The following WDR7 variants were observed in gnomAD, a reference collection of about 807,000 sequenced individuals.
WDR7 encodes WD repeat domain 7, also known as WD repeat-containing protein 7.
A neutral mutation model predicts 169.4 loss-of-function variants in WDR7; 46 were observed. That is an observed-to-expected ratio of 0.27 (90% CI 0.21 to 0.35). The LOEUF (loss-of-function observed/expected upper bound fraction) is 0.35. Ranked by LOEUF, WDR7 falls within the 10% of genes least tolerant of loss-of-function variation. The probability of loss-of-function intolerance (pLI) is 1.00; values close to 1 mark genes in which losing one functional copy is unlikely to be tolerated. For synonymous variants in WDR7, 612 were observed against 666.8 expected (o/e 0.92, Z 1.27); for missense variants, 1,534 against 1,859.3 (o/e 0.83, Z 3.22).
chr18:56,984,388 G>C (rs1376110239), intron 26 of WDR7, among the ~76,000 whole-genome samples: 1 of 152,108 alleles, frequency 6.6e-6, no homozygotes, highest in Admixed American at 6.5e-5. Context: ...TAAATGTTAT[G>C]TTCCTTTTTT....
At chr18:56,724,899 C>T (rs546976369) in intron 13 of WDR7, among the ~76,000 whole-genome samples, 13 of 152,034 alleles carry the variant, frequency 8.6e-5, no homozygotes, top group East Asian at 1.9e-4. Context: ...TGAGAACATG[C>T]GGTGTTTGGT....
At chr18:56,816,909 A>C (rs1680213022) in intron 20 of WDR7, among the ~76,000 whole-genome samples, 1 of 152,228 alleles carries the variant, frequency 6.6e-6, no homozygotes, top group South Asian at 2.1e-4. Context: ...TGAAGCAACA[A>C]ATATTAATTT....
chr18:56,912,366 A>G lies in WDR7; in HGVS notation c.3527-11556A>G, dbSNP rs140579134. Among the ~76,000 whole-genome samples, 132 of 152,364 alleles carry G rather than the reference A, an allele frequency of 8.7e-4. 1 individual carries two copies. The highest frequency in any genetic ancestry group is 2.8e-3 in the African/African-American group (118 of 41,582). ...CCTATAGAAGGTTACAGGAACACCA[A>G]GTTTAACATCATGATTAATAAGTGA... On this transcript the variant is annotated intron_variant, in intron 21 of 27. Transcript: ENST00000254442.
At chr18:56,990,744 T>C (rs1309522555) in intron 26 of WDR7, among the ~76,000 whole-genome samples, 1 of 152,216 alleles carries the variant, frequency 6.6e-6, no homozygotes, top group Non-Finnish European at 1.5e-5. Flanking sequence ...CCATAGTTAT[T>C]CTGTCTTACC....
chr18:56,957,538 C>G (rs1329772280), intron 25 of WDR7: 1 of 151,012 alleles, frequency 6.6e-6, no homozygotes, highest in Non-Finnish European at 1.5e-5. Flanking sequence ...AGAGTAGTTA[C>G]TGTTAGTGGG....
In WDR7 at chr18:56,930,606, A is replaced by G. The variant is rs534904354; in HGVS notation, c.3714-5182A>G. Among the ~76,000 whole-genome samples the G allele has an allele frequency of 9.2e-5, 14 of 152,368 alleles. No individual in the cohort carries two copies. In the South Asian group the frequency reaches 2.9e-3, roughly 32 times the overall value. On this transcript the variant is annotated intron_variant, in intron 22 of 27. Transcript: ENST00000254442. ...GCAAGTTGTGAAATAAAGGTACGACATGACAGAGGAATTGAAGATATCTTG... is the reference window on the plus strand; with the variant it reads ...GCAAGTTGTGAAATAAAGGTACGACGTGACAGAGGAATTGAAGATATCTTG...
At chr18:57,007,649 C>A (rs893888869) in intron 26 of WDR7, among the ~76,000 whole-genome samples, 1 of 151,988 alleles carries the variant, frequency 6.6e-6, no homozygotes, top group African/African-American at 2.4e-5. Flanking sequence ...TCACAAAATC[C>A]TCTTTTAAAG....
chr18:56,792,077 G>T (rs900124229), intron 19 of WDR7, among the ~76,000 whole-genome samples: 1 of 152,082 alleles, frequency 6.6e-6, no homozygotes, highest in African/African-American at 2.4e-5. Flanking sequence ...GAGTGCAGTG[G>T]CACGATCACG....
intron 12 of WDR7, among the ~76,000 whole-genome samples, chr18:56,698,497 T>G (rs2025753875): frequency 6.6e-6 from 1 of 151,806 alleles, no homozygotes; most frequent in South Asian, 2.1e-4. Flanking sequence ...TCCCAGCTAC[T>G]TGGGAGGCTG....
chr18:56,817,697 A>G (rs1344561143), intron 20 of WDR7, among the ~76,000 whole-genome samples: 21 of 151,990 alleles, frequency 1.4e-4, no homozygotes, highest in Admixed American at 1.4e-3. Flanking sequence ...GCACTTTACA[A>G]TTATAGAATT....
At chr18:56,986,748 TA>T (rs1417322704) in intron 26 of WDR7, among the ~76,000 whole-genome samples, 1 of 151,950 alleles carries the variant, frequency 6.6e-6, no homozygotes, top group African/African-American at 2.4e-5. Context: ...AAAATAAAAA[TA>T]AAAGGCATTC....
At chr18:56,973,591 G>C (rs773965423) in intron 26 of WDR7, among the ~76,000 whole-genome samples, 1 of 151,500 alleles carries the variant, frequency 6.6e-6, no homozygotes, top group Non-Finnish European at 1.5e-5. Flanking sequence ...TCACTGCCTC[G>C]TATTCTTCAT....
intron 19 of WDR7, among the ~76,000 whole-genome samples, chr18:56,786,252 C>T (rs67906916): frequency 0.074 from 11,242 of 152,124 alleles, 504 homozygotes; most frequent in East Asian, 0.18. Context: ...AAGTCCTTAC[C>T]GGGCGCAGTG....
Position 56,839,633 on chromosome 18 carries a change from A to G in WDR7, c.3304+23489A>G, listed in dbSNP as rs549071091. Among the ~76,000 whole-genome samples the G allele has an allele frequency of 6.8e-4, 103 of 152,352 alleles. 1 individual carries two copies. Among genetic ancestry groups the G allele is most frequent in the Middle Eastern group, 6.8e-3 (2 of 294 alleles). ...CTCATGGGAGAAAAAAATAGTATAA[A>G]GCAGAAGACCATGGCAATCAGCCAC... On this transcript the variant is annotated intron_variant, in intron 20 of 27. Transcript: ENST00000254442.
chr18:56,843,402 C>G (rs570412312), intron 20 of WDR7, among the ~76,000 whole-genome samples: 1 of 152,180 alleles, frequency 6.6e-6, no homozygotes, highest in Non-Finnish European at 1.5e-5. Flanking sequence ...CCTCTGTCAA[C>G]CACTGTTCTG....
intron 14 of WDR7, among the ~76,000 whole-genome samples, chr18:56,742,374 A>C (rs986470684): frequency 3.9e-5 from 6 of 152,234 alleles, no homozygotes; most frequent in African/African-American, 1.4e-4. Flanking sequence ...AATTTATAAA[A>C]ATATACATAT....
At chr18:57,012,379 G>A in intron 26 of WDR7, among the ~76,000 whole-genome samples, 1 of 152,150 alleles carries the variant, frequency 6.6e-6, no homozygotes, top group East Asian at 1.9e-4. Flanking sequence ...TAGGAAGGGA[G>A]GTTGGGCCAA....
chr18:56,883,016 A>G (rs760221854), intron 21 of WDR7, among the ~76,000 whole-genome samples: 4 of 151,874 alleles, frequency 2.6e-5, no homozygotes, highest in Non-Finnish European at 5.9e-5. Context: ...AGGTCAGGAG[A>G]TTGAGACCAC....
intron 21 of WDR7, 94 bp from the exon 22 acceptor site, chr18:56,923,820 TAAAAAATC>T (rs2046762466): frequency 8.2e-7 from 1 of 1,219,316 alleles, no homozygotes; most frequent in South Asian, 1.9e-5. Flanking sequence ...CTTTTTCAGT[TAAAAAATC>T]AAAAATGGAT....
Sources: gnomAD v4.1 joint callset for allele counts (sites outside exome capture counted in the v4.1 genomes callset) on GRCh38, gnomAD v4.1.1 for gene constraint, MANE v1.5 for transcripts, NCBI Gene and HGNC (gene_info 2026-07-23, HGNC 2026-07-21) for gene names.